The following NECAB1 variants were observed in gnomAD, a reference collection of about 807,000 sequenced individuals.
NECAB1 encodes the protein N-terminal EF-hand calcium-binding protein 1.
In NECAB1, 29 loss-of-function variants were observed where a neutral mutation model predicts 57.5. That is an observed-to-expected ratio of 0.50 (90% CI 0.38 to 0.69). NECAB1 has a LOEUF of 0.69. Among genes scored for constraint, NECAB1 ranks in the 30% least tolerant of loss-of-function variants. The pLI, the probability that NECAB1 is intolerant of heterozygous loss-of-function variation, is 0.00. For missense variants in NECAB1, 372 were observed against 413.8 expected, an observed-to-expected ratio of 0.90 and a Z score of 0.88; for synonymous variants, 142 against 147.7, an observed-to-expected ratio of 0.96 and a Z score of 0.28.
In NECAB1 at chr8:90,791,933, A is replaced by G. The variant is rs1166175767; in HGVS notation, c.47A>G (p.Glu16Gly). The change falls in exon 1 of 13, where the codon GAG becomes GGG. Residue 16 changes from glutamate (E) to glycine (G), a missense_variant. By Grantham distance (98) the Glu-to-Gly change is moderately conservative (BLOSUM62 -2). Transcript: ENST00000417640. ...TCGCCGTCCTCCAACAACTCCTCGG[A>G]GGAGCTCAGCTCTGCTCTGCACCTG... ...ETSPSSNNSS[E>G]ELSSALHLSK... The G allele has an allele frequency of 6.4e-7, 1 of 1,552,710 alleles. No individual in the cohort carries two copies. Among genetic ancestry groups the G allele is most frequent in the Admixed American group, 2.0e-5 (1 of 51,166 alleles).
At chr8:90,938,689 T>C (rs1427535040) in intron 9 of NECAB1, among the ~76,000 whole-genome samples, 1 of 152,198 alleles carries the variant, frequency 6.6e-6, no homozygotes, top group Non-Finnish European at 1.5e-5. Context: ...GGGGAAAAGA[T>C]ACATCTGGTT....
intron 1 of NECAB1, among the ~76,000 whole-genome samples, chr8:90,798,400 G>A (rs1386359975): frequency 6.6e-6 from 1 of 152,134 alleles, no homozygotes; most frequent in Non-Finnish European, 1.5e-5. Context: ...CATCACCCAG[G>A]TAGTGAGCAT....
chr8:90,902,500 T>C (rs1586105918), intron 5 of NECAB1, among the ~76,000 whole-genome samples: 1 of 152,150 alleles, frequency 6.6e-6, no homozygotes, highest in African/African-American at 2.4e-5. Flanking sequence ...TACTTACTAA[T>C]GCAAAGGGGC....
chr8:90,869,499 G>A (rs578251627), intron 3 of NECAB1, among the ~76,000 whole-genome samples: 6 of 152,340 alleles, frequency 3.9e-5, no homozygotes, highest in South Asian at 2.1e-4. Flanking sequence ...AAGGCCTTGG[G>A]AGGCCACCCC....
chr8:90,863,363 A>T (rs1808446491), intron 3 of NECAB1, among the ~76,000 whole-genome samples: 1 of 152,168 alleles, frequency 6.6e-6, no homozygotes, highest in African/African-American at 2.4e-5. Context: ...ATTGCATAAA[A>T]ATAAAAGTAT....
At chr8:90,849,782 C>T (rs1026772260) in intron 3 of NECAB1, among the ~76,000 whole-genome samples, 3 of 145,628 alleles carry the variant, frequency 2.1e-5, no homozygotes, top group African/African-American at 7.7e-5. Context: ...CAAGCTCTGC[C>T]TTCCAGGTTC....
At chr8:90,857,892 G>C (rs921764371) in intron 3 of NECAB1, among the ~76,000 whole-genome samples, 1 of 151,966 alleles carries the variant, frequency 6.6e-6, no homozygotes, top group South Asian at 2.1e-4. Context: ...CAAAATATAG[G>C]TTTATGAAAA....
chr8:90,807,867 T>TA (rs1476402054), intron 2 of NECAB1, among the ~76,000 whole-genome samples: 5 of 152,180 alleles, frequency 3.3e-5, no homozygotes, highest in Admixed American at 1.3e-4. Context: ...GTGATTCATT[T>TA]AAAAAAAGTG....
chr8:90,932,817 T>C (rs1810442423), intron 8 of NECAB1, among the ~76,000 whole-genome samples: 1 of 152,324 alleles, frequency 6.6e-6, no homozygotes, highest in South Asian at 2.1e-4. Context: ...TTGGAAACAA[T>C]GCTAGGATAG....
intron 6 of NECAB1, among the ~76,000 whole-genome samples, chr8:90,923,597 G>C (rs899461084): frequency 6.6e-6 from 1 of 152,054 alleles, no homozygotes; most frequent in African/African-American, 2.4e-5. Flanking sequence ...CAACCAAAAG[G>C]ACAAATCAAA....
intron 1 of NECAB1, among the ~76,000 whole-genome samples, chr8:90,797,067 C>T (rs2130639445): frequency 6.6e-6 from 1 of 152,330 alleles, no homozygotes; most frequent in South Asian, 2.1e-4. Flanking sequence ...TTTCATGTCT[C>T]CCTGACTCTC....
At chr8:90,863,064 C>A (rs1164626734) in intron 3 of NECAB1, among the ~76,000 whole-genome samples, 2 of 151,960 alleles carry the variant, frequency 1.3e-5, no homozygotes, top group East Asian at 1.9e-4. Context: ...CCATCTCAAG[C>A]GCTTGAATGG....
At chr8:90,839,580 G>C (rs1290749492) in intron 3 of NECAB1, among the ~76,000 whole-genome samples, 1 of 152,168 alleles carries the variant, frequency 6.6e-6, no homozygotes, top group Admixed American at 6.5e-5. Flanking sequence ...GGACCTCTTA[G>C]AGAAGCCATA....
At chr8:90,944,926 C>T (rs758668330) in intron 10 of NECAB1, among the ~76,000 whole-genome samples, 3 of 152,202 alleles carry the variant, frequency 2.0e-5, no homozygotes, top group Non-Finnish European at 4.4e-5. Flanking sequence ...GAGACAGTGT[C>T]TCACACTGTT....
chr8:90,949,021 A>ACT lies in NECAB1; in HGVS notation c.861-785_861-784dup, dbSNP rs375468679. 1.7e-3 allele frequency among the ~76,000 whole-genome samples: 258 copies of ACT among 152,258 alleles called. 1 individual carries two copies. The highest frequency in any genetic ancestry group is 6.0e-3 in the African/African-American group (251 of 41,550). On this transcript the variant is annotated intron_variant, in intron 10 of 12. Coordinates refer to ENST00000417640, the MANE Select transcript of NECAB1 (RefSeq NM_022351.5). ...TTTCCTCCTTCGGGCTAGTCAAAGG[A>ACT]CTGGAAGGAACAAATTTGTCTCACC...
chr8:90,891,306 C>G (rs552037132), intron 5 of NECAB1, among the ~76,000 whole-genome samples: 1 of 152,122 alleles, frequency 6.6e-6, no homozygotes, highest in African/African-American at 2.4e-5. Flanking sequence ...CTTAGGAAAG[C>G]TTTACTTCTC....
Position 90,949,801 on chromosome 8 carries a change from T to C in NECAB1, c.861-6T>C, listed in dbSNP as rs1810889073. ...AGCTAATTATGCCTTTTATTTTCCA[T>C]TTCAGTATTTCTATACAGAAGCTTT... On this transcript the variant is annotated splice_polypyrimidine_tract_variant and splice_region_variant and intron_variant, in intron 10 of 12. Transcript: ENST00000417640. 6.4e-7 allele frequency: 1 copy of C among 1,570,080 alleles called. No homozygotes were observed. The highest frequency in any genetic ancestry group is 1.7e-5 in the Admixed American group (1 of 57,470).
chr8:90,927,196 TTCTC>T (rs200634869), intron 7 of NECAB1, among the ~76,000 whole-genome samples: 6 of 95,948 alleles, frequency 6.3e-5, no homozygotes, highest in South Asian at 2.7e-4. Context: ...CCCCTTTCTT[TTCTC>T]TCTCTTTTTT....
At chr8:90,922,992 GAGA>G (rs1401470315) in intron 6 of NECAB1, among the ~76,000 whole-genome samples, 2 of 152,200 alleles carry the variant, frequency 1.3e-5, no homozygotes, top group Non-Finnish European at 2.9e-5. Flanking sequence ...GGAAGGTGGA[GAGA>G]AGGTGAATCT....
Sources: gnomAD v4.1 joint callset for allele counts (sites outside exome capture counted in the v4.1 genomes callset) on GRCh38, gnomAD v4.1.1 for gene constraint, MANE v1.5 for transcripts, NCBI Gene and HGNC (gene_info 2026-07-23, HGNC 2026-07-21) for gene names.